CNTNAP2: variants seen among roughly 807,000 people sequenced by gnomAD.
CNTNAP2 encodes contactin-associated protein-like 2.
Under a neutral mutation model 155.2 loss-of-function variants are expected in CNTNAP2, and 98 were observed. The ratio of observed to expected loss-of-function variants is 0.63; its 90% CI spans 0.54 to 0.75. The LOEUF is 0.75. Among genes scored for constraint, CNTNAP2 ranks in the 30% least tolerant of loss-of-function variants. The probability of loss-of-function intolerance (pLI) is 0.00; values close to 1 mark genes in which losing one functional copy is unlikely to be tolerated. For missense variants in CNTNAP2, 1,727 were observed against 1,688.1 expected, an observed-to-expected ratio of 1.02 and a Z score of -0.40; for synonymous variants, 651 against 631.2, an observed-to-expected ratio of 1.03 and a Z score of -0.47.
chr7:146,688,414 C>A lies in CNTNAP2; in HGVS notation c.98-85857C>A, dbSNP rs2642488. Among the ~76,000 whole-genome samples the A allele has an allele frequency of 5.3e-5, 8 of 152,082 alleles. No homozygotes were observed. The South Asian group carries it at 6.2e-4, about 12-fold the overall frequency. On this transcript the variant is annotated intron_variant, in intron 1 of 23. Transcript: ENST00000361727. ...GCTTTTTAATCACCTGGGTGCAGGC[C>A]AACTGACTCTGAAAAAGGAGTCAGC...
At chr7:147,624,833 T>A (rs567695085) in intron 12 of CNTNAP2, among the ~76,000 whole-genome samples, 6 of 152,250 alleles carry the variant, frequency 3.9e-5, no homozygotes, top group Non-Finnish European at 8.8e-5. Context: ...CTGTTCACAA[T>A]AGCCAAGATT....
intron 8 of CNTNAP2, among the ~76,000 whole-genome samples, chr7:147,281,000 C>T (rs1338215831): frequency 1.3e-5 from 2 of 151,816 alleles, no homozygotes; most frequent in Non-Finnish European, 2.9e-5. Flanking sequence ...ACCAGGTTTT[C>T]AACTTACTAG....
Position 147,135,530 on chromosome 7 carries a change from T to C in CNTNAP2, c.1348+3021T>C, listed in dbSNP as rs78849630. Among the ~76,000 whole-genome samples the C allele has an allele frequency of 3.9e-3, 592 of 151,900 alleles. 3 individuals carry two copies. Among genetic ancestry groups the C allele is most frequent in the African/African-American group, 0.014 (570 of 41,514 alleles). On this transcript the variant is annotated intron_variant, in intron 8 of 23. Transcript: ENST00000361727. ...GGCATAAATGATAATATTAAACAGG[T>C]GCAAAAAGGGTCTAATGAATAATAG...
At chr7:148,090,562 C>T (rs1467214086) in intron 15 of CNTNAP2, among the ~76,000 whole-genome samples, 1 of 151,984 alleles carries the variant, frequency 6.6e-6, no homozygotes, top group African/African-American at 2.4e-5. Context: ...CCACCTCAAA[C>T]CTCTTAGAAT....
chr7:146,920,180 G>A (rs931314129), intron 3 of CNTNAP2, among the ~76,000 whole-genome samples: 3 of 152,126 alleles, frequency 2.0e-5, no homozygotes, highest in African/African-American at 4.8e-5. Flanking sequence ...TTGGGAGGCC[G>A]AGGAGAGCAG....
intron 13 of CNTNAP2, among the ~76,000 whole-genome samples, chr7:147,726,658 A>G (rs1185557711): frequency 6.6e-6 from 1 of 151,866 alleles, no homozygotes; most frequent in Non-Finnish European, 1.5e-5. Flanking sequence ...AACAAAACAG[A>G]GTTGTTTACA....
At chr7:146,601,848 C>A (rs1247341758) in intron 1 of CNTNAP2, among the ~76,000 whole-genome samples, 3 of 151,830 alleles carry the variant, frequency 2.0e-5, no homozygotes, top group Non-Finnish European at 4.4e-5. Context: ...AAGTTGACTC[C>A]ATATACCATT....
chr7:148,412,171 A>C (rs1735599046), intron 23 of CNTNAP2, among the ~76,000 whole-genome samples: 1 of 152,106 alleles, frequency 6.6e-6, no homozygotes, highest in Non-Finnish European at 1.5e-5. Flanking sequence ...CAATCTCCTG[A>C]CCTTGTGATC....
Position 146,828,133 on chromosome 7 carries a change from C to T in CNTNAP2, c.209-11578C>T, listed in dbSNP as rs565955676. On this transcript the variant is annotated intron_variant, in intron 2 of 23. Transcript: ENST00000361727. The stretch of plus-strand genomic sequence containing the variant: ...CCTGAGTAGCTGGCATATAGACGTG[C>T]TCTACAAATATTTGCTGAATGAATG... 2.0e-5 allele frequency among the ~76,000 whole-genome samples: 3 copies of T among 152,028 alleles called. No homozygotes were observed. The East Asian group carries it at 5.8e-4, about 29-fold the overall frequency.
intron 1 of CNTNAP2, among the ~76,000 whole-genome samples, chr7:146,582,653 A>T (rs1798628856): frequency 6.6e-6 from 1 of 152,132 alleles, no homozygotes; most frequent in African/African-American, 2.4e-5. Context: ...AACAGCACAA[A>T]GGTACTACTA....
chr7:147,616,369 C>A (rs1801293550), intron 12 of CNTNAP2, among the ~76,000 whole-genome samples: 1 of 152,156 alleles, frequency 6.6e-6, no homozygotes, highest in South Asian at 2.1e-4. Context: ...CTGCTTAAAT[C>A]TCTGCTGTGG....
intron 9 of CNTNAP2, among the ~76,000 whole-genome samples, chr7:147,382,456 C>A (rs980024483): frequency 4.1e-4 from 63 of 152,166 alleles, no homozygotes; most frequent in African/African-American, 1.4e-3. Context: ...GATTAATATG[C>A]ACAAACTTAT....
chr7:147,309,805 G>A (rs1194872928), intron 9 of CNTNAP2, among the ~76,000 whole-genome samples: 1 of 151,888 alleles, frequency 6.6e-6, no homozygotes, highest in Admixed American at 6.6e-5. Context: ...GTCTCATGGG[G>A]GTTTGATGTA....
rs368195592 is a variant in CNTNAP2 at position 148,255,524 on chromosome 7, G to C, written c.3382-11509G>C. 5.3e-5 allele frequency among the ~76,000 whole-genome samples: 8 copies of C among 152,274 alleles called. No individual in the cohort carries two copies. In the South Asian group the frequency reaches 8.3e-4, roughly 16 times the overall value. On this transcript the variant is annotated intron_variant, in intron 20 of 23. Transcript: ENST00000361727. ...ATTAGTCTAGATAAAGTAAATCACT[G>C]TGTGAAAGCTAATTTTTTCTTCCTA...
At chr7:146,224,301 T>C (rs1284106438) in intron 1 of CNTNAP2, among the ~76,000 whole-genome samples, 1 of 152,160 alleles carries the variant, frequency 6.6e-6, no homozygotes, top group Non-Finnish European at 1.5e-5. Context: ...GAAAATACTG[T>C]TTATTACTCT....
chr7:146,146,930 C>T (rs1168485006), intron 1 of CNTNAP2, among the ~76,000 whole-genome samples: 1 of 152,086 alleles, frequency 6.6e-6, no homozygotes. Context: ...ACTAATGGTG[C>T]GAAGTCTTTC....
At chr7:148,148,231 A>T (rs899939952) in intron 17 of CNTNAP2, among the ~76,000 whole-genome samples, 2 of 152,230 alleles carry the variant, frequency 1.3e-5, no homozygotes, top group Middle Eastern at 3.2e-3. Context: ...AAAAAAGATC[A>T]GTACAAAAAA....
chr7:147,272,709 G>A (rs547426786), intron 8 of CNTNAP2, among the ~76,000 whole-genome samples: 3 of 145,450 alleles, frequency 2.1e-5, no homozygotes, highest in Non-Finnish European at 3.0e-5. Flanking sequence ...GGGTTTCACC[G>A]TGTTAGCCAG....
In CNTNAP2 at chr7:146,443,219, AAATAAATAAAT is replaced by A. The variant is rs1796351838; in HGVS notation, c.97+326260_97+326270del. 2.9e-5 allele frequency among the ~76,000 whole-genome samples: 4 copies of A among 136,492 alleles called. No homozygotes were observed. The South Asian group carries it at 6.5e-4, about 22-fold the overall frequency. The allele number at this position is 136,492 out of a possible 152,430, so 89.5% of individuals were successfully genotyped here. ...ACAGAGCGAGACTCCGTCTCTAAAT[AAATAAATAAAT>A]AATAAATAAATAAATAAATAAATAA... On this transcript the variant is annotated intron_variant, in intron 1 of 23. Transcript: ENST00000361727.
Sources: allele counts gnomAD v4.1 joint callset (sites outside exome capture counted in the v4.1 genomes callset), GRCh38; gene constraint gnomAD v4.1.1; transcripts MANE v1.5; gene names NCBI Gene and HGNC (gene_info 2026-07-23, HGNC 2026-07-21).